The following GLRA3 variants were observed in gnomAD, a reference collection of about 807,000 sequenced individuals.
GLRA3 encodes glycine receptor subunit alpha-3.
In GLRA3, 44 loss-of-function variants were observed where a neutral mutation model predicts 60.4. The ratio of observed to expected loss-of-function variants is 0.73; its 90% confidence interval spans 0.57 to 0.94. The LOEUF (loss-of-function observed/expected upper bound fraction) is 0.94, where lower values mean the gene tolerates loss of function less well. Among genes scored for constraint, GLRA3 ranks in the 40% least tolerant of loss-of-function variants. The pLI, the probability that GLRA3 is intolerant of heterozygous loss-of-function variation, is 0.00. For synonymous variants in GLRA3, 223 were observed against 192.9 expected (o/e 1.16, Z -1.29); for missense variants, 508 against 564.6 (o/e 0.90, Z 1.02).
At chr4:174,781,543 A>T (rs577176510) in intron 2 of GLRA3, among the ~76,000 whole-genome samples, 2,326 of 144,590 alleles carry the variant, frequency 0.016, 66 homozygotes, top group African/African-American at 0.057. Flanking sequence ...TTTTGAAAGG[A>T]TCAACAAAAT....
intron 3 of GLRA3, among the ~76,000 whole-genome samples, chr4:174,733,849 T>G (rs1360080392): frequency 6.6e-6 from 1 of 152,200 alleles, no homozygotes; most frequent in South Asian, 2.1e-4. Context: ...TGAGTCTCCC[T>G]GTTTCTTCTG....
intron 6 of GLRA3, among the ~76,000 whole-genome samples, chr4:174,678,412 T>A (rs1011736385): frequency 2.0e-5 from 3 of 152,220 alleles, no homozygotes; most frequent in African/African-American, 7.2e-5. Context: ...TCAAGAAGGA[T>A]GAGGTCAGAA....
intron 2 of GLRA3, among the ~76,000 whole-genome samples, chr4:174,779,929 C>T (rs528641409): frequency 1.3e-5 from 2 of 151,258 alleles, no homozygotes; most frequent in African/African-American, 2.4e-5. Flanking sequence ...TCTAGCAAGG[C>T]AGGCCAACGT....
intron 1 of GLRA3, among the ~76,000 whole-genome samples, chr4:174,823,115 C>T (rs1031918414): frequency 2.0e-5 from 3 of 152,102 alleles, no homozygotes; most frequent in Non-Finnish European, 4.4e-5. Flanking sequence ...TTGGTTCTGT[C>T]TTTGAATTTC....
chr4:174,815,433 T>C (rs1347950232), intron 1 of GLRA3, among the ~76,000 whole-genome samples: 1 of 152,228 alleles, frequency 6.6e-6, no homozygotes, highest in Non-Finnish European at 1.5e-5. Flanking sequence ...GTAGGGACTC[T>C]GCGTGGGGGC....
intron 1 of GLRA3, among the ~76,000 whole-genome samples, chr4:174,801,637 T>C (rs1206167144): frequency 1.3e-5 from 2 of 152,096 alleles, no homozygotes; most frequent in Non-Finnish European, 2.9e-5. Context: ...ATTTTATCCA[T>C]AATTCAACCA....
At chr4:174,824,726 C>G (rs1352606631) in intron 1 of GLRA3, among the ~76,000 whole-genome samples, 2 of 152,098 alleles carry the variant, frequency 1.3e-5, no homozygotes, top group African/African-American at 4.8e-5. Flanking sequence ...CAAGGCCCAC[C>G]ACAAGTACCA....
intron 7 of GLRA3, among the ~76,000 whole-genome samples, chr4:174,663,603 T>G (rs1008959534): frequency 1.3e-5 from 2 of 152,198 alleles, no homozygotes; most frequent in Non-Finnish European, 2.9e-5. Flanking sequence ...AGGCCTACTT[T>G]CCTCATCATC....
At chr4:174,725,423 A>G (rs1736285893) in intron 4 of GLRA3, among the ~76,000 whole-genome samples, 1 of 152,104 alleles carries the variant, frequency 6.6e-6, no homozygotes, top group African/African-American at 2.4e-5. Context: ...CATATTTGTA[A>G]TTGCTCACTG....
At chr4:174,820,220 CCA>C (rs1207594303) in intron 1 of GLRA3, among the ~76,000 whole-genome samples, 1 of 152,012 alleles carries the variant, frequency 6.6e-6, no homozygotes, top group Admixed American at 6.6e-5. Context: ...AAATATATTA[CCA>C]CAGACACATA....
At chr4:174,661,570 T>C (rs996580089) in intron 7 of GLRA3, among the ~76,000 whole-genome samples, 3 of 152,242 alleles carry the variant, frequency 2.0e-5, no homozygotes, top group African/African-American at 7.2e-5. Context: ...GGATTATGGC[T>C]GGAGGCTTCT....
At chr4:174,697,691 C>G (rs1226285499) in intron 5 of GLRA3, among the ~76,000 whole-genome samples, 1 of 152,146 alleles carries the variant, frequency 6.6e-6, no homozygotes, top group Non-Finnish European at 1.5e-5. Context: ...AAAGTTTCCC[C>G]CTTTCTCTTG....
intron 4 of GLRA3, among the ~76,000 whole-genome samples, chr4:174,720,484 C>T (rs183570502): frequency 9.9e-5 from 15 of 152,164 alleles, no homozygotes; most frequent in Admixed American, 9.8e-4. Context: ...AAAAAATGAG[C>T]CTTTTAGAAG....
chr4:174,728,388 T>G, intron 4 of GLRA3, 87 bp downstream of exon 4: 1 of 722,902 alleles, frequency 1.4e-6, no homozygotes, highest in Non-Finnish European at 2.4e-6. Flanking sequence ...TGTTCAAAAA[T>G]GTCAAAACTT....
intron 3 of GLRA3, among the ~76,000 whole-genome samples, chr4:174,752,872 T>C (rs374440684): frequency 3.9e-5 from 6 of 152,134 alleles, no homozygotes; most frequent in African/African-American, 1.4e-4. Context: ...GCCTCTGGAG[T>C]GTTGGCAATA....
At position 174,669,498 on chromosome 4, in the gene GLRA3, T is replaced by C. The variant is rs1228555864; in HGVS notation, c.927+7580A>G. On this transcript the variant is annotated intron_variant, in intron 7 of 9. Transcript: ENST00000274093. ...AACAGTCTTGCTGGTGGAATGTTCA[T>C]GCTGATTATCATAGTCATAACCCTC... 2.0e-5 allele frequency among the ~76,000 whole-genome samples: 3 copies of C among 152,184 alleles called. No individual in the cohort carries two copies. In the East Asian group the frequency reaches 5.8e-4, roughly 29 times the overall value.
At chr4:174,820,301 G>A (rs148432082) in intron 1 of GLRA3, among the ~76,000 whole-genome samples, 166 of 152,292 alleles carry the variant, frequency 1.1e-3, no homozygotes, top group African/African-American at 3.5e-3. Flanking sequence ...TGTTAGAAGC[G>A]CAGAATGATA....
At chr4:174,733,681 C>T (rs1736651217) in intron 3 of GLRA3, among the ~76,000 whole-genome samples, 1 of 152,314 alleles carries the variant, frequency 6.6e-6, no homozygotes, top group East Asian at 1.9e-4. Context: ...GCCCTGCCTG[C>T]CTTTGCAGAA....
rs1454281511 is a variant in GLRA3, at chr4:174,777,383, G to A, written c.200-10353C>T. Among the ~76,000 whole-genome samples the A allele has an allele frequency of 3.3e-5, 5 of 152,108 alleles. No individual in the cohort carries two copies. In the South Asian group the frequency reaches 6.2e-4, roughly 19 times the overall value. ...GAAAAGAAATGAGCTATCAAGCCAC[G>A]AAAAGACACAGAGGAACCTGAAAAG... On this transcript the variant is annotated intron_variant, in intron 2 of 9. Transcript: ENST00000274093.
Sources: gnomAD v4.1 joint callset for allele counts (sites outside exome capture counted in the v4.1 genomes callset) on GRCh38, gnomAD v4.1.1 for gene constraint, MANE v1.5 for transcripts, NCBI Gene and HGNC (gene_info 2026-07-23, HGNC 2026-07-21) for gene names.